The following PARN variants were observed in gnomAD, a reference collection of about 807,000 sequenced individuals.
The protein encoded by PARN is poly(A)-specific ribonuclease.
Under a neutral mutation model 102.8 loss-of-function variants are expected in PARN, and 71 were observed. That is an observed-to-expected ratio of 0.69 (90% confidence interval 0.57 to 0.84). The LOEUF (loss-of-function observed/expected upper bound fraction) is 0.84, where lower values mean the gene tolerates loss of function less well. Among genes scored for constraint, PARN ranks in the 40% least tolerant of loss-of-function variants. The pLI is 0.00. For missense variants in PARN, 782 were observed against 760.9 expected (o/e 1.03, Z -0.33); for synonymous variants, 261 against 252.9 (o/e 1.03, Z -0.30).
At chr16:14,454,179 T>C (rs1961582389) in intron 22 of PARN, among the ~76,000 whole-genome samples, 1 of 152,146 alleles carries the variant, frequency 6.6e-6, no homozygotes, top group Non-Finnish European at 1.5e-5. Flanking sequence ...CATTATTAGA[T>C]ACGCAGTTTG....
intron 16 of PARN, 92 bp downstream of exon 16, chr16:14,584,255 T>C: frequency 1.2e-6 from 1 of 852,504 alleles, no homozygotes; most frequent in Non-Finnish European, 1.9e-6. Flanking sequence ...AAATGAACAA[T>C]ACGGTCTCCA....
chr16:14,592,524 C>A (rs1970262245), intron 13 of PARN, among the ~76,000 whole-genome samples: 1 of 152,188 alleles, frequency 6.6e-6, no homozygotes, highest in Non-Finnish European at 1.5e-5. Flanking sequence ...AGTAGAGGAA[C>A]CAAAGCAGCT....
chr16:14,540,656 G>A (rs1032625474), intron 21 of PARN, among the ~76,000 whole-genome samples: 5 of 152,154 alleles, frequency 3.3e-5, no homozygotes, highest in African/African-American at 7.2e-5. Context: ...AGCCAGGCAC[G>A]GTGGCTCACA....
At chr16:14,581,142 T>C (rs951392107) in intron 17 of PARN, among the ~76,000 whole-genome samples, 199 bp from the exon 18 acceptor site, 9 of 152,048 alleles carry the variant, frequency 5.9e-5, no homozygotes, top group African/African-American at 2.2e-4. Flanking sequence ...AACTTCCACC[T>C]CCCAGATTCA....
intron 12 of PARN, among the ~76,000 whole-genome samples, chr16:14,593,996 C>CA (rs1205677971): frequency 1.9e-3 from 248 of 130,324 alleles, no homozygotes; most frequent in African/African-American, 4.3e-3. Flanking sequence ...GACCCCGTCT[C>CA]AAAAAAAAAA....
intron 21 of PARN, among the ~76,000 whole-genome samples, chr16:14,549,513 G>A (rs532801530): frequency 1.3e-5 from 2 of 152,154 alleles, no homozygotes; most frequent in Admixed American, 1.3e-4. Context: ...GAGTTACCAC[G>A]GAATAAAATA....
chr16:14,553,935 A>G (rs1055157919), intron 20 of PARN, 130 bp downstream of exon 20: 3 of 647,388 alleles, frequency 4.6e-6, no homozygotes, highest in Non-Finnish European at 8.1e-6. Flanking sequence ...CAGAAAATTC[A>G]AAGAGTGAAA....
intron 6 of PARN, among the ~76,000 whole-genome samples, chr16:14,614,026 G>C (rs1471280679): frequency 6.6e-6 from 1 of 152,162 alleles, no homozygotes; most frequent in Non-Finnish European, 1.5e-5. Context: ...CAGAGCTTTA[G>C]GGGGTGGCGG....
intron 2 of PARN, 105 bp downstream of exon 2, chr16:14,629,492 C>T: frequency 2.4e-6 from 2 of 831,388 alleles, no homozygotes; most frequent in South Asian, 1.4e-5. Context: ...AGGCTACTAA[C>T]AGCAAGAGGC....
At chr16:14,489,717 T>C (rs968108141) in intron 21 of PARN, among the ~76,000 whole-genome samples, 2 of 152,198 alleles carry the variant, frequency 1.3e-5, no homozygotes, top group African/African-American at 2.4e-5. Context: ...TGAAACCAGT[T>C]TATTGTAGCA....
At chr16:14,478,903 C>T (rs1182176469) in intron 22 of PARN, among the ~76,000 whole-genome samples, 3 of 152,150 alleles carry the variant, frequency 2.0e-5, no homozygotes, top group African/African-American at 7.2e-5. Context: ...TGCCCTCAGC[C>T]TCCTGAGTAG....
intron 21 of PARN, among the ~76,000 whole-genome samples, chr16:14,524,667 A>G (rs118155263): frequency 0.028 from 4,315 of 152,314 alleles, 92 homozygotes; most frequent in Non-Finnish European, 0.044. Flanking sequence ...TAATTTCCCA[A>G]ACATTATTCA....
chr16:14,500,370 T>C (rs1964521806), intron 21 of PARN, among the ~76,000 whole-genome samples: 1 of 152,194 alleles, frequency 6.6e-6, no homozygotes. Flanking sequence ...GAATGGTTTC[T>C]GTAAACTTTA....
At chr16:14,522,992 A>G (rs568021439) in intron 21 of PARN, among the ~76,000 whole-genome samples, 4 of 152,334 alleles carry the variant, frequency 2.6e-5, no homozygotes, top group African/African-American at 9.6e-5. Context: ...GCTCTTCACA[A>G]AAGACACATA....
intron 10 of PARN, among the ~76,000 whole-genome samples, chr16:14,606,272 G>A (rs553245041): frequency 8.6e-5 from 13 of 152,034 alleles, no homozygotes; most frequent in Admixed American, 2.0e-4. Flanking sequence ...ATGGTGGCAC[G>A]AGCCTGTAGT....
At chr16:14,518,726 T>C (rs1477190634) in intron 21 of PARN, among the ~76,000 whole-genome samples, 2 of 152,204 alleles carry the variant, frequency 1.3e-5, no homozygotes, top group African/African-American at 4.8e-5. Flanking sequence ...GAGACAGGAA[T>C]TAAAATCTAG....
At chr16:14,596,197 A>T (rs923991520) in intron 12 of PARN, among the ~76,000 whole-genome samples, 1 of 152,138 alleles carries the variant, frequency 6.6e-6, no homozygotes, top group African/African-American at 2.4e-5. Flanking sequence ...GAAGTCATTC[A>T]TTCCATAGCT....
At chr16:14,513,330 T>C (rs1182495264) in intron 21 of PARN, among the ~76,000 whole-genome samples, 1 of 152,190 alleles carries the variant, frequency 6.6e-6, no homozygotes, top group African/African-American at 2.4e-5. Context: ...CTATTTACTA[T>C]ATATATTCAT....
intron 21 of PARN, among the ~76,000 whole-genome samples, chr16:14,545,003 A>G (rs1966872223): frequency 6.6e-6 from 1 of 152,168 alleles, no homozygotes; most frequent in Non-Finnish European, 1.5e-5. Context: ...CCTGCGTAAC[A>G]TGGTGAAACT....
Sources: allele counts gnomAD v4.1 joint callset (sites outside exome capture counted in the v4.1 genomes callset), GRCh38; gene constraint gnomAD v4.1.1; transcripts MANE v1.5; gene names NCBI Gene and HGNC (gene_info 2026-07-23, HGNC 2026-07-21).